The following MAST2 variants were observed in gnomAD, a reference collection of about 807,000 sequenced individuals.
The protein encoded by MAST2 is microtubule associated serine/threonine kinase 2.
Under a neutral mutation model 147.4 loss-of-function variants are expected in MAST2, and 70 were observed. The ratio of observed to expected loss-of-function variants is 0.47; its 90% CI spans 0.39 to 0.58. The LOEUF is 0.58. Ranked by LOEUF, MAST2 falls within the 20% of genes least tolerant of loss-of-function variation. The pLI, the probability that MAST2 is intolerant of heterozygous loss-of-function variation, is 0.00. For missense variants in MAST2, 2,080 were observed against 2,302.3 expected, an observed-to-expected ratio of 0.90 and a Z score of 1.98; for synonymous variants, 869 against 896.8, an observed-to-expected ratio of 0.97 and a Z score of 0.55.
Position 46,023,328 on chromosome 1 carries a change from G to A in MAST2, c.1571+10G>A. 6.2e-7 allele frequency: 1 copy of A among 1,613,502 alleles called. No homozygotes were observed. The highest frequency in any genetic ancestry group is 8.5e-7 in the Non-Finnish European group (1 of 1,179,572). On this transcript the variant is annotated intron_variant, in intron 14 of 28. Transcript: ENST00000361297. This position sits in a 1 kb window ranked among gnomAD's most constrained non-coding sequence, Gnocchi z 4.9. ...GCAATGGCGCCTATGGGTAAAGGCA[G>A]GGGTCAGGGTGTGGCCAGGACTGAA...
chr1:45,829,626 A>G lies in MAST2; in HGVS notation c.468+45A>G, dbSNP rs187441611. 1.6e-4 allele frequency: 251 copies of G among 1,566,864 alleles called. 2 individuals are homozygous for G. The African/African-American group carries it at 3.1e-3, about 19-fold the overall frequency. Reference sequence around the variant, plus strand: ...GCATTTTGCTCTATGAAAAATCCATAATTGTCATTTGTCATTGCAACATCT... The same window carrying G: ...GCATTTTGCTCTATGAAAAATCCATGATTGTCATTTGTCATTGCAACATCT... On this transcript the variant is annotated intron_variant, in intron 3 of 28. Transcript: ENST00000361297.
intron 6 of MAST2, among the ~76,000 whole-genome samples, chr1:46,002,187 C>T (rs1438374830): frequency 6.6e-6 from 1 of 152,084 alleles, no homozygotes; most frequent in Non-Finnish European, 1.5e-5. Flanking sequence ...GAAGCCTCCC[C>T]CAAAGTCTCA....
At position 46,023,066 on chromosome 1, in the gene MAST2, T is replaced by G; in HGVS notation, c.1485+95T>G. On this transcript the variant is annotated intron_variant, in intron 13 of 28. Transcript: ENST00000361297. The surrounding 1 kb of genome is among the most constrained non-coding windows in gnomAD (Gnocchi z 4.9). ...TTTAAGAGAATATCTGAGGAAGGGA[T>G]GGGGGAGTTGGTGACAGCAAACACT... The G allele has an allele frequency of 7.6e-7, 1 of 1,314,896 alleles. No individual in the cohort carries two copies. Among genetic ancestry groups the G allele is most frequent in the East Asian group, 2.3e-5 (1 of 43,380 alleles). The allele number at this position is 1,314,896 out of a possible 1,614,324, so 81.5% of individuals were successfully genotyped here.
chr1:45,932,412 T>C (rs1351979044), intron 4 of MAST2, among the ~76,000 whole-genome samples: 1 of 152,236 alleles, frequency 6.6e-6, no homozygotes, highest in African/African-American at 2.4e-5. Flanking sequence ...CTGGGCGCTG[T>C]GGCTCACACC....
chr1:45,952,156 A>G (rs913771116), intron 4 of MAST2, among the ~76,000 whole-genome samples: 3 of 152,262 alleles, frequency 2.0e-5, no homozygotes, highest in Non-Finnish European at 2.9e-5. Context: ...ATGATAACCA[A>G]AAAGTAGTAA....
At chr1:45,816,252 C>G (rs1454673323) in intron 1 of MAST2, among the ~76,000 whole-genome samples, 1 of 83,550 alleles carries the variant, frequency 1.2e-5, no homozygotes, top group Non-Finnish European at 2.6e-5. Flanking sequence ...AGACCCAAGT[C>G]CCTTCAAATA....
chr1:45,994,430 G>A (rs1420962142), intron 5 of MAST2, among the ~76,000 whole-genome samples: 2 of 151,956 alleles, frequency 1.3e-5, no homozygotes, highest in Non-Finnish European at 2.9e-5. Context: ...GGGATTACAG[G>A]CATGTGCCAG....
intron 19 of MAST2, 93 bp from the exon 20 acceptor site, chr1:46,029,738 T>A: frequency 6.7e-7 from 1 of 1,498,698 alleles, no homozygotes. Flanking sequence ...CCCCTAGGTA[T>A]AGCTTCTGAA....
At chr1:45,936,505 G>A (rs950743423) in intron 4 of MAST2, among the ~76,000 whole-genome samples, 2 of 152,036 alleles carry the variant, frequency 1.3e-5, no homozygotes, top group African/African-American at 2.4e-5. Flanking sequence ...TGTCATAGAC[G>A]GCTCTTATTA....
chr1:46,009,192 C>T (rs1349792110), intron 9 of MAST2, among the ~76,000 whole-genome samples: 2 of 152,102 alleles, frequency 1.3e-5, no homozygotes, highest in East Asian at 1.9e-4. Flanking sequence ...GATGCTGGGA[C>T]TACAGGCATG....
chr1:45,969,829 G>A (rs1259036012), intron 5 of MAST2, among the ~76,000 whole-genome samples: 1 of 152,134 alleles, frequency 6.6e-6, no homozygotes, highest in Non-Finnish European at 1.5e-5. Context: ...CTGGTCCATG[G>A]AAAAATTATC....
chr1:46,028,851 C>A lies in MAST2; in HGVS notation c.2136C>A (p.Gly712=), dbSNP rs200494868. ...YGKPVDWWAM[G]IILYEFLVGC... ...AGCCAGTGGACTGGTGGGCCATGGG[C>A]ATTATCCTGTATGAGTTCCTGGTGG... Residue 712 remains glycine (G), a synonymous_variant, in exon 18 of 29, where the codon GGC becomes GGA. Coordinates refer to ENST00000361297, the MANE Select transcript of MAST2 (RefSeq NM_015112.3). 1 of 1,613,838 alleles carries A rather than the reference C, an allele frequency of 6.2e-7. No homozygotes were observed. Among genetic ancestry groups the A allele is most frequent in the Non-Finnish European group, 8.5e-7 (1 of 1,179,944 alleles).
At chr1:45,836,278 G>A (rs1232430738) in intron 3 of MAST2, among the ~76,000 whole-genome samples, 1 of 152,028 alleles carries the variant, frequency 6.6e-6, no homozygotes, top group East Asian at 1.9e-4. Flanking sequence ...TTTGATTATA[G>A]CCATCATAGT....
chr1:45,967,697 G>A (rs1168037133), intron 5 of MAST2, among the ~76,000 whole-genome samples: 1 of 152,130 alleles, frequency 6.6e-6, no homozygotes, highest in Non-Finnish European at 1.5e-5. Context: ...AGGTGGAAAG[G>A]GATGCAGGAG....
At chr1:45,882,323 A>T in intron 3 of MAST2, 41 bp from the exon 4 acceptor site, 1 of 1,513,186 alleles carries the variant, frequency 6.6e-7, no homozygotes. Flanking sequence ...CAGGACTCAG[A>T]TGGGTTCTTA....
intron 4 of MAST2, among the ~76,000 whole-genome samples, chr1:45,931,451 T>C (rs1229687866): frequency 8.0e-5 from 11 of 137,244 alleles, no homozygotes; most frequent in Admixed American, 7.3e-4. Context: ...GCACAGTCAC[T>C]ACCTCCTGGG....
intron 3 of MAST2, among the ~76,000 whole-genome samples, chr1:45,836,265 GT>G (rs769349336): frequency 1.6e-4 from 24 of 152,156 alleles, no homozygotes; most frequent in Non-Finnish European, 2.8e-4. Flanking sequence ...ACTTTTCTGT[GT>G]TTTTGATTAT....
At chr1:45,893,139 G>GT (rs773367768) in intron 4 of MAST2, among the ~76,000 whole-genome samples, 2 of 152,136 alleles carry the variant, frequency 1.3e-5, no homozygotes, top group Non-Finnish European at 2.9e-5. Flanking sequence ...GACCTAGAAG[G>GT]TGCTGGATTG....
intron 2 of MAST2, among the ~76,000 whole-genome samples, chr1:45,825,045 A>C (rs1311353588): frequency 1.3e-5 from 2 of 151,924 alleles, no homozygotes; most frequent in Non-Finnish European, 2.9e-5. Flanking sequence ...TTTTTTTTTG[A>C]GATGGAGTTT....
Sources: gnomAD v4.1 joint callset for allele counts (sites outside exome capture counted in the v4.1 genomes callset) on GRCh38, gnomAD v4.1.1 for gene constraint, Gnocchi (gnomAD v3.1) non-coding constraint, MANE v1.5 for transcripts, NCBI Gene and HGNC (gene_info 2026-07-23, HGNC 2026-07-21) for gene names.